NMT2: variants seen among roughly 807,000 people sequenced by gnomAD.
NMT2 encodes the protein glycylpeptide N-tetradecanoyltransferase 2.
In NMT2, 35 loss-of-function variants were observed where a neutral mutation model predicts 65.4. The ratio of observed to expected loss-of-function variants is 0.54; its 90% CI spans 0.41 to 0.71. The LOEUF (loss-of-function observed/expected upper bound fraction) is 0.71. NMT2 is among the 30% of genes least tolerant of loss of function. NMT2 has a pLI of 0.00. For missense variants in NMT2, 489 were observed against 611.3 expected (o/e 0.80, Z 2.11); for synonymous variants, 226 against 231.8 (o/e 0.98, Z 0.23).
chr10:15,112,758 G>C, intron 10 of NMT2, 38 bp downstream of exon 10: 2 of 1,568,742 alleles, frequency 1.3e-6, no homozygotes, highest in Non-Finnish European at 1.7e-6. Flanking sequence ...ACAGACATTT[G>C]GAGAACCAAA....
chr10:15,120,835 C>T (rs73604526), intron 8 of NMT2, among the ~76,000 whole-genome samples: 11,236 of 152,232 alleles, frequency 0.074, 734 homozygotes, highest in African/African-American at 0.18. Context: ...TCTTGTCTAA[C>T]GGCAAATGGC....
At position 15,151,446 on chromosome 10, in the gene NMT2, A is replaced by T. The variant is rs1832799689; in HGVS notation, c.111-9889T>A. Among the ~76,000 whole-genome samples, 3 of 152,224 alleles carry T rather than the reference A, an allele frequency of 2.0e-5. No individual in the cohort carries two copies. The East Asian group carries it at 5.8e-4, about 29-fold the overall frequency. On this transcript the variant is annotated intron_variant, in intron 1 of 11. Coordinates refer to ENST00000378165, the MANE Select transcript of NMT2 (RefSeq NM_004808.3). The stretch of plus-strand genomic sequence containing the variant: ...ATAAGAGATAATGTTAAACTATAAT[A>T]AACTTTCATATAACACTCATTGGCC...
Position 15,106,580 on chromosome 10 carries a change from A to G in NMT2, c.*2615T>C. On this transcript the variant is annotated 3_prime_UTR_variant, in exon 12 of 12. Coordinates refer to ENST00000378165, the MANE Select transcript of NMT2 (RefSeq NM_004808.3). Reference sequence around the variant, plus strand: ...TATATTATGTACTACTGTGGGGCCCAGTCGCCCTCTGGTGGTAGTCTCAGG... The same window carrying G: ...TATATTATGTACTACTGTGGGGCCCGGTCGCCCTCTGGTGGTAGTCTCAGG... The G allele has an allele frequency of 3.2e-6, 3 of 925,418 alleles. No individual in the cohort carries two copies. Among genetic ancestry groups the G allele is most frequent in the East Asian group, 1.2e-4 (1 of 8,538 alleles). 57.3% of individuals were successfully genotyped at this position (925,418 alleles called of 1,614,324 possible).
intron 1 of NMT2, among the ~76,000 whole-genome samples, chr10:15,154,456 C>G (rs1183661314): frequency 6.6e-6 from 1 of 152,172 alleles, no homozygotes; most frequent in African/African-American, 2.4e-5. Flanking sequence ...CAGTAGGTGC[C>G]CCTTATCCTC....
At chr10:15,150,099 A>G (rs1832750573) in intron 1 of NMT2, among the ~76,000 whole-genome samples, 1 of 152,214 alleles carries the variant, frequency 6.6e-6, no homozygotes. Context: ...GGAAAAAAAT[A>G]TGAGGTTTTG....
Position 15,107,941 on chromosome 10 carries a change from C to A in NMT2, c.*1254G>T. 1.0e-6 allele frequency: 1 copy of A among 985,504 alleles called. No homozygotes were observed. The highest frequency in any genetic ancestry group is 1.2e-6 in the Non-Finnish European group (1 of 829,646). The allele number at this position is 985,504 out of a possible 1,614,324, so 61.0% of individuals were successfully genotyped here. On this transcript the variant is annotated 3_prime_UTR_variant, in exon 12 of 12. Transcript: ENST00000378165. ...TACTTATTTACAAATAAGACATTTT[C>A]CATTAGCATGACACATGACAGTTTT...
intron 2 of NMT2, among the ~76,000 whole-genome samples, chr10:15,136,876 A>G (rs1459043343): frequency 6.6e-6 from 1 of 151,108 alleles, no homozygotes; most frequent in Non-Finnish European, 1.5e-5. Flanking sequence ...TACATGGAAC[A>G]TGAGACTACT....
chr10:15,125,760 A>G (rs773553652), intron 8 of NMT2, among the ~76,000 whole-genome samples: 7 of 151,990 alleles, frequency 4.6e-5, no homozygotes, highest in Non-Finnish European at 7.4e-5. Context: ...TGTGCCTCCT[A>G]GGTTCAAGCG....
chr10:15,112,401 G>A (rs922362026), intron 10 of NMT2, among the ~76,000 whole-genome samples: 1 of 149,772 alleles, frequency 6.7e-6, no homozygotes, highest in Non-Finnish European at 1.5e-5. Flanking sequence ...GCTAACTTTT[G>A]TATTTTTAGT....
At chr10:15,111,509 C>CAAAAAAAAAAAA (rs58537120) in intron 10 of NMT2, among the ~76,000 whole-genome samples, 1 of 52,810 alleles carries the variant, frequency 1.9e-5, no homozygotes, top group African/African-American at 6.6e-5. Flanking sequence ...AGACTCATCT[C>CAAAAAAAAAAAA]AAAAAAAAAA....
At chr10:15,123,531 GA>G (rs775699014) in intron 8 of NMT2, among the ~76,000 whole-genome samples, 5,770 of 52,582 alleles carry the variant, frequency 0.11, 76 homozygotes, top group African/African-American at 0.18. Context: ...TCGTCTCACA[GA>G]AAAAAAAAAA....
In NMT2 at chr10:15,151,152, G is replaced by A. The variant is rs533947316; in HGVS notation, c.111-9595C>T. Among the ~76,000 whole-genome samples, 4 of 150,966 alleles carry A rather than the reference G, an allele frequency of 2.6e-5. No homozygotes were observed. In the South Asian group the frequency reaches 8.3e-4, roughly 32 times the overall value. ...CGGATCACTGCAATCTCCGCCTCCT[G>A]GGTTCAGGCAATTCTCCTGCCTCAG... On this transcript the variant is annotated intron_variant, in intron 1 of 11. Transcript: ENST00000378165.
intron 1 of NMT2, among the ~76,000 whole-genome samples, chr10:15,147,224 C>T (rs1352079634): frequency 1.4e-5 from 2 of 144,292 alleles, no homozygotes; most frequent in Non-Finnish European, 3.0e-5. Context: ...AGAGGGATAA[C>T]TTAGCTCCTC....
chr10:15,144,611 G>C (rs1419813851), intron 1 of NMT2, among the ~76,000 whole-genome samples: 3 of 152,098 alleles, frequency 2.0e-5, no homozygotes, highest in African/African-American at 7.2e-5. Flanking sequence ...GGCGCCTGTA[G>C]TCCCAGCTAC....
intron 8 of NMT2, among the ~76,000 whole-genome samples, chr10:15,124,540 A>G (rs1160467428): frequency 6.6e-6 from 1 of 152,274 alleles, no homozygotes; most frequent in African/African-American, 2.4e-5. Flanking sequence ...AAAAAGACAG[A>G]AAGCTGGCAC....
In NMT2 at chr10:15,105,823, C is replaced by T. The variant is rs902281568; in HGVS notation, c.*3372G>A. ...CTTCATAAGCAAGCAGTTTAATTCTCGAAAATGTTAATTAGTAATCTGCTT... is the reference window on the plus strand; with the variant it reads ...CTTCATAAGCAAGCAGTTTAATTCTTGAAAATGTTAATTAGTAATCTGCTT... On this transcript the variant is annotated 3_prime_UTR_variant, in exon 12 of 12. Transcript: ENST00000378165. 6.6e-5 allele frequency among the ~76,000 whole-genome samples: 10 copies of T among 152,058 alleles called. No homozygotes were observed. Among genetic ancestry groups the T allele is most frequent in the Admixed American group, 6.6e-4 (10 of 15,264 alleles).
At chr10:15,110,084 C>G (rs1471073873) in intron 10 of NMT2, among the ~76,000 whole-genome samples, 2 of 151,974 alleles carry the variant, frequency 1.3e-5, no homozygotes, top group East Asian at 3.9e-4. Context: ...CCAGCCTGAC[C>G]AACATGGCGA....
intron 1 of NMT2, among the ~76,000 whole-genome samples, chr10:15,156,212 C>T (rs1832992115): frequency 6.6e-6 from 1 of 152,142 alleles, no homozygotes; most frequent in Non-Finnish European, 1.5e-5. Flanking sequence ...GTAACTGAAT[C>T]ATGGGGGCGG....
At chr10:15,109,657 A>C (rs538942362) in intron 11 of NMT2, 45 bp downstream of exon 11, 2 of 1,463,214 alleles carry the variant, frequency 1.4e-6, no homozygotes, top group East Asian at 4.9e-5. Flanking sequence ...GAAATTGTCT[A>C]GGTACATTTG....
Sources: gnomAD v4.1 joint callset for allele counts (sites outside exome capture counted in the v4.1 genomes callset) on GRCh38, gnomAD v4.1.1 for gene constraint, MANE v1.5 for transcripts, NCBI Gene and HGNC (gene_info 2026-07-23, HGNC 2026-07-21) for gene names.